PDIA4: variants seen among roughly 807,000 people sequenced by gnomAD.
PDIA4 encodes the protein protein disulfide isomerase family A member 4, also known as protein disulfide-isomerase A4.
A neutral mutation model predicts 62.1 loss-of-function variants in PDIA4; 33 were observed. That is an observed-to-expected ratio of 0.53 (90% CI 0.40 to 0.71). PDIA4 has a LOEUF of 0.71. Among genes scored for constraint, PDIA4 ranks in the 30% least tolerant of loss-of-function variants. The pLI is 0.00. For synonymous variants in PDIA4, 341 were observed against 324.1 expected (o/e 1.05, Z -0.56); for missense variants, 804 against 813.6 (o/e 0.99, Z 0.14).
At chr7:149,006,224 G>A (rs968570657) in intron 7 of PDIA4, 171 bp from the exon 8 acceptor site, 79 of 580,534 alleles carry the variant, frequency 1.4e-4, no homozygotes, top group Middle Eastern at 8.4e-4. Context: ...ATTCCCTACC[G>A]TCTTTTGGGG....
At chr7:149,006,847 C>T (rs533632088) in intron 7 of PDIA4, among the ~76,000 whole-genome samples, 1 of 152,310 alleles carries the variant, frequency 6.6e-6, no homozygotes, top group African/African-American at 2.4e-5. Context: ...CATGGCGCTG[C>T]GTGCACTTCA....
rs529483016 is a variant in PDIA4 at position 149,012,816 on chromosome 7, G to C, written c.615-456C>G. ...GAGCCCACGGGAGGTGGGGCGAAGA[G>C]AGGGTCGGCAGGTCCAGGTAACAAG... On this transcript the variant is annotated intron_variant, in intron 4 of 9. Transcript: ENST00000652332. Among the ~76,000 whole-genome samples the C allele has an allele frequency of 1.9e-3, 286 of 152,294 alleles. 2 individuals carry two copies. Among genetic ancestry groups the C allele is most frequent in the African/African-American group, 6.6e-3 (276 of 41,556 alleles).
Position 149,028,500 on chromosome 7 carries a change from C to G in PDIA4, c.-92G>C. 7 of 890,246 alleles carry G rather than the reference C, an allele frequency of 7.9e-6. No homozygotes were observed. The highest frequency in any genetic ancestry group is 1.1e-5 in the Non-Finnish European group (7 of 624,376). 55.1% of individuals were successfully genotyped at this position (890,246 alleles called of 1,614,324 possible). ...TGGCCGACAGCCCGTCGCTCCTTAG[C>G]GACGCGGGGGAGCCGGAAAAACCCA... On this transcript the variant is annotated 5_prime_UTR_variant, in exon 1 of 10. Coordinates refer to ENST00000652332, the MANE Select transcript of PDIA4 (RefSeq NM_004911.5).
At chr7:149,025,085 A>AAAAT (rs1554446854) in intron 1 of PDIA4, among the ~76,000 whole-genome samples, 4 of 22,334 alleles carry the variant, frequency 1.8e-4, no homozygotes, top group East Asian at 1.0e-3. Flanking sequence ...AAAAAAAAAA[A>AAAAT]ATATATATAT....
chr7:149,007,989 C>T (rs2129504118), intron 7 of PDIA4, among the ~76,000 whole-genome samples, 170 bp downstream of exon 7: 1 of 152,386 alleles, frequency 6.6e-6, no homozygotes, highest in South Asian at 2.1e-4. Flanking sequence ...AGAGAGACCA[C>T]AGGCCGCCTG....
At chr7:149,027,058 C>T (rs572505188) in intron 1 of PDIA4, among the ~76,000 whole-genome samples, 110 of 152,186 alleles carry the variant, frequency 7.2e-4, no homozygotes, top group Non-Finnish European at 1.3e-3. Context: ...CCGCTATGTT[C>T]CAAAAAGCAT....
intron 3 of PDIA4, among the ~76,000 whole-genome samples, chr7:149,017,693 CAAAAT>C (rs1431277242): frequency 6.6e-6 from 1 of 150,396 alleles, no homozygotes; most frequent in African/African-American, 2.5e-5. Flanking sequence ...TACATTTTAT[CAAAAT>C]AAAATTAAAT....
intron 1 of PDIA4, chr7:149,027,721 C>T: frequency 5.2e-6 from 2 of 383,360 alleles, no homozygotes; most frequent in Non-Finnish European, 1.1e-5. Context: ...TCCCAGAACC[C>T]AGTACAGGGA....
rs1824330812 is a variant in PDIA4, at chr7:149,021,087, T to A, written c.149A>T (p.Asp50Val). The stretch of plus-strand genomic sequence containing the variant: ...AACTTCCAAGTCGTCTTCTTCCTCA[T>A]CATCATCTTCCTCCTCCTCCTCCTC... ...DEEEEEEEDD[D>V]EEEDDLEVKE... Residue 50 changes from aspartate to valine, a missense_variant, in exon 2 of 10, where the codon GAT becomes GTT. Asp to Val is a radical substitution (Grantham distance 152, BLOSUM62 -3). Coordinates refer to ENST00000652332, the MANE Select transcript of PDIA4 (RefSeq NM_004911.5). 1 of 1,612,756 alleles carries A rather than the reference T, an allele frequency of 6.2e-7. No homozygotes were observed. Among genetic ancestry groups the A allele is most frequent in the African/African-American group, 1.3e-5 (1 of 74,670 alleles).
chr7:149,010,565 G>A (rs1040611532), intron 6 of PDIA4, among the ~76,000 whole-genome samples: 2 of 152,174 alleles, frequency 1.3e-5, no homozygotes, highest in African/African-American at 4.8e-5. Flanking sequence ...CTGGGGATTT[G>A]TAGTCAGTTG....
At chr7:149,006,841 G>C (rs982995350) in intron 7 of PDIA4, among the ~76,000 whole-genome samples, 1 of 152,212 alleles carries the variant, frequency 6.6e-6, no homozygotes, top group East Asian at 1.9e-4. Flanking sequence ...CCATGACATG[G>C]CGCTGCGTGC....
chr7:149,016,109 A>G (rs1033611255), intron 3 of PDIA4, among the ~76,000 whole-genome samples: 1 of 152,222 alleles, frequency 6.6e-6, no homozygotes, highest in African/African-American at 2.4e-5. Context: ...AGCCTGGCCA[A>G]CATGGTGAAA....
Position 149,020,957 on chromosome 7 carries a change from C to G in PDIA4, c.269+10G>C, listed in dbSNP as rs182291851. On this transcript the variant is annotated intron_variant, in intron 2 of 9. Coordinates refer to ENST00000652332, the MANE Select transcript of PDIA4 (RefSeq NM_004911.5). ...TTGTCCACCTGCAGAAATTAGAACG[C>G]GGTCCTTACCATGGAGCATAAAACT... 6.2e-7 allele frequency: 1 copy of G among 1,612,970 alleles called. No individual in the cohort carries two copies. Among genetic ancestry groups the G allele is most frequent in the Non-Finnish European group, 8.5e-7 (1 of 1,179,194 alleles).
chr7:149,021,799 A>C (rs1824362754), intron 1 of PDIA4, among the ~76,000 whole-genome samples: 1 of 152,170 alleles, frequency 6.6e-6, no homozygotes, highest in Admixed American at 6.5e-5. Flanking sequence ...CTGAGCCCAG[A>C]CAGCCTCCGC....
At chr7:149,006,411 C>T in intron 7 of PDIA4, 1 of 200,836 alleles carries the variant, frequency 5.0e-6, no homozygotes. Context: ...CCACCTTCAG[C>T]TTGTGCGGTC....
chr7:149,009,713 T>C (rs566368533), intron 6 of PDIA4, among the ~76,000 whole-genome samples: 134 of 152,370 alleles, frequency 8.8e-4, no homozygotes, highest in African/African-American at 3.1e-3. Flanking sequence ...TGCTTAACTC[T>C]GCTGCTGCAG....
chr7:149,014,550 C>T (rs1251098275), intron 4 of PDIA4, among the ~76,000 whole-genome samples: 2 of 152,188 alleles, frequency 1.3e-5, no homozygotes, highest in African/African-American at 2.4e-5. Context: ...ACTGGTTGTG[C>T]GTCCCTCCCC....
At chr7:149,022,684 C>T (rs936856558) in intron 1 of PDIA4, among the ~76,000 whole-genome samples, 7 of 152,222 alleles carry the variant, frequency 4.6e-5, no homozygotes, top group African/African-American at 1.7e-4. Context: ...CTCACCAACC[C>T]TGATGAAGGA....
rs1823971231 is a variant in PDIA4 at position 149,012,250 on chromosome 7, T to C, written c.725A>G (p.Asp242Gly). 6.2e-7 allele frequency: 1 copy of C among 1,614,056 alleles called. No homozygotes were observed. The highest frequency in any genetic ancestry group is 8.5e-7 in the Non-Finnish European group (1 of 1,180,004). Residue 242 changes from aspartate (D) to glycine (G), a missense_variant, in exon 5 of 10, where the codon GAC becomes GGC. Physicochemically the swap from Asp to Gly is moderately conservative, Grantham distance 94. Transcript: ENST00000652332. ...LAKVDATAET[D>G]LAKRFDVSGY... ...AGAGACATCAAACCTCTTGGCCAGG[T>C]CTGTTTCTGCGGTGGCGTCGACCTT...
Sources: allele counts gnomAD v4.1 joint callset (sites outside exome capture counted in the v4.1 genomes callset), GRCh38; gene constraint gnomAD v4.1.1; transcripts MANE v1.5; gene names NCBI Gene and HGNC (gene_info 2026-07-23, HGNC 2026-07-21).